The following PSMA5 variants were observed in gnomAD, a reference collection of about 807,000 sequenced individuals.
PSMA5 encodes the protein proteasome 20S subunit alpha 5, also known as proteasome subunit alpha type-5.
In PSMA5, 3 loss-of-function variants were observed where a neutral mutation model predicts 34.5. That is an observed-to-expected ratio of 0.09 (90% confidence interval 0.04 to 0.22). The LOEUF (loss-of-function observed/expected upper bound fraction) is 0.22. Among genes scored for constraint, PSMA5 ranks in the 10% least tolerant of loss-of-function variants. The pLI is 1.00. For synonymous variants in PSMA5, 88 were observed against 95.8 expected (o/e 0.92, Z 0.47); for missense variants, 120 against 286.1 (o/e 0.42, Z 4.19).
At chr1:109,412,846 G>A (rs1174418628) in intron 4 of PSMA5, 2 of 422,042 alleles carry the variant, frequency 4.7e-6, no homozygotes, top group Non-Finnish European at 8.4e-6. Flanking sequence ...AAAAAAGGAA[G>A]ACACTGTCAG....
intron 3 of PSMA5, 129 bp from the exon 4 acceptor site, chr1:109,413,264 C>CA (rs1421871519): frequency 2.6e-6 from 2 of 772,330 alleles, no homozygotes; most frequent in Non-Finnish European, 4.5e-6. Context: ...ATTTTATACC[C>CA]AAAAGATTAG....
intron 8 of PSMA5, among the ~76,000 whole-genome samples, chr1:109,405,764 C>G (rs1393755965): frequency 6.6e-6 from 1 of 152,008 alleles, no homozygotes; most frequent in Admixed American, 6.6e-5. Flanking sequence ...AGTGGAGAAC[C>G]ATTAAGATTA....
intron 2 of PSMA5, among the ~76,000 whole-genome samples, chr1:109,416,104 T>C (rs1654182916): frequency 6.6e-6 from 1 of 152,180 alleles, no homozygotes; most frequent in Admixed American, 6.5e-5. Context: ...ATAAAATGCT[T>C]AAAATGGTGC....
At chr1:109,413,220 T>G in intron 3 of PSMA5, 85 bp from the exon 4 acceptor site, 1 of 1,285,466 alleles carries the variant, frequency 7.8e-7, no homozygotes, top group Non-Finnish European at 1.1e-6. Context: ...AATTCTGGAT[T>G]GGAACCACGG....
At chr1:109,405,237 G>A (rs1422628580) in intron 8 of PSMA5, among the ~76,000 whole-genome samples, 4 of 152,150 alleles carry the variant, frequency 2.6e-5, no homozygotes, top group Admixed American at 6.5e-5. Context: ...TGGCCCTACC[G>A]TCTCAAAGCC....
In PSMA5 at chr1:109,405,959, G is replaced by C. The variant is rs374996584; in HGVS notation, c.649-3869C>G. Among the ~76,000 whole-genome samples the C allele has an allele frequency of 9.2e-5, 14 of 152,316 alleles. No homozygotes were observed. The South Asian group carries it at 2.9e-3, about 32-fold the overall frequency. On this transcript the variant is annotated intron_variant, in intron 8 of 8. Coordinates refer to ENST00000271308, the MANE Select transcript of PSMA5 (RefSeq NM_002790.4). ...ACATGGATTTGGGAGTTATTTATAA[G>C]GGAGCAAAGAAATGACTGAGTAAAA... is the stretch of plus-strand genomic sequence containing the variant.
intron 6 of PSMA5, among the ~76,000 whole-genome samples, chr1:109,411,504 A>G (rs1475916051): frequency 6.6e-6 from 1 of 152,158 alleles, no homozygotes; most frequent in Non-Finnish European, 1.5e-5. Context: ...TCTTCATGGA[A>G]TCCCCAAATT....
chr1:109,425,884 C>T (rs1654634235), intron 1 of PSMA5: 1 of 215,342 alleles, frequency 4.6e-6, no homozygotes, highest in Non-Finnish European at 9.5e-6. Context: ...CCGCAGCATG[C>T]CCTACTACAA....
chr1:109,421,768 G>A, intron 2 of PSMA5, 92 bp downstream of exon 2: 1 of 1,027,098 alleles, frequency 9.7e-7, no homozygotes, highest in Non-Finnish European at 1.4e-6. Context: ...ATTTTCTAAA[G>A]GAATGGTTAA....
intron 1 of PSMA5, chr1:109,426,062 G>A (rs1654644399): frequency 3.4e-6 from 2 of 586,940 alleles, no homozygotes; most frequent in East Asian, 2.8e-5. Flanking sequence ...GCACCAGCCG[G>A]AGCTTCTCGC....
At position 109,400,175 on chromosome 1, in the gene PSMA5, G is replaced by A. The variant is rs747854345; in HGVS notation, c.*1838C>T. On this transcript the variant is annotated 3_prime_UTR_variant, in exon 9 of 9. Coordinates refer to ENST00000271308, the MANE Select transcript of PSMA5 (RefSeq NM_002790.4). ...GAGGGAAAACAACTTAAGCTGAGGC[G>A]AACGGACATAGGCTAAGAGCTACTC... 4 of 152,134 alleles carry A rather than the reference G, an allele frequency of 2.6e-5. No individual in the cohort carries two copies. The East Asian group carries it at 5.8e-4, about 22-fold the overall frequency. 9.4% of individuals were successfully genotyped at this position (152,134 alleles called of 1,614,324 possible).
chr1:109,423,271 T>C (rs558435221), intron 1 of PSMA5, among the ~76,000 whole-genome samples: 171 of 152,232 alleles, frequency 1.1e-3, no homozygotes, highest in African/African-American at 3.9e-3. Flanking sequence ...AAACCCCGTC[T>C]CTACTAAAAA....
At chr1:109,402,564 G>T (rs1653576080) in intron 8 of PSMA5, among the ~76,000 whole-genome samples, 1 of 152,218 alleles carries the variant, frequency 6.6e-6, no homozygotes, top group African/African-American at 2.4e-5. Flanking sequence ...CTAATTCATA[G>T]AGTAGTTGTG....
In PSMA5 at chr1:109,399,817, A is replaced by C. The variant is rs1179137572; in HGVS notation, c.*2196T>G. Reference sequence around the variant, plus strand: ...ATTTCATTTTTGTCTAATGAGATTGACATTAAATATAAAAGTGGCACTGTC... The same window carrying C: ...ATTTCATTTTTGTCTAATGAGATTGCCATTAAATATAAAAGTGGCACTGTC... On this transcript the variant is annotated 3_prime_UTR_variant, in exon 9 of 9. Transcript: ENST00000271308. 6.6e-6 allele frequency: 1 copy of C among 152,220 alleles called. No homozygotes were observed. The highest frequency in any genetic ancestry group is 1.9e-4 in the East Asian group (1 of 5,208). 9.4% of individuals were successfully genotyped at this position (152,220 alleles called of 1,614,324 possible). A position where few individuals can be genotyped will look rare whatever the true frequency, so the allele number is the denominator to read the frequency against.
At chr1:109,402,168 T>A in intron 8 of PSMA5, 78 bp from the exon 9 acceptor site, 1 of 1,013,702 alleles carries the variant, frequency 9.9e-7, no homozygotes, top group Non-Finnish European at 1.5e-6. Context: ...GGAGAAGCTG[T>A]GTTGGTGATG....
At chr1:109,422,067 G>A (rs746220464) in intron 1 of PSMA5, 141 bp from the exon 2 acceptor site, 4 of 522,108 alleles carry the variant, frequency 7.7e-6, no homozygotes, top group Non-Finnish European at 1.3e-5. Flanking sequence ...ACAACAATCT[G>A]TAGCATTTTT....
chr1:109,411,566 G>A (rs201123616), intron 6 of PSMA5, among the ~76,000 whole-genome samples: 1 of 134,948 alleles, frequency 7.4e-6, no homozygotes, highest in South Asian at 2.4e-4. Context: ...CCATATATAT[G>A]TATATACATA....
At position 109,415,254 on chromosome 1, in the gene PSMA5, T is replaced by G. The variant is rs1654144178; in HGVS notation, c.206A>C (p.Glu69Ala). The change falls in exon 3 of 9, where the codon GAG becomes GCG. Residue 69 changes from glutamate (E) to alanine (A), a missense_variant. Physicochemically the swap from Glu to Ala is moderately radical, Grantham distance 107. This residue lies in a region of PSMA5 where 20 missense variants were observed against 19.4 expected (regional missense o/e 1.03). Coordinates refer to ENST00000271308, the MANE Select transcript of PSMA5 (RefSeq NM_002790.4). ...CTCCTTACCTATGTGAGCATCAATC[T>G]CTACAATTTTCTCAATGCTGCTGGG... ...MEPSSIEKIV[E>A]IDAHIGCAMS... 1 of 1,613,682 alleles carries G rather than the reference T, an allele frequency of 6.2e-7. No individual in the cohort carries two copies. Among genetic ancestry groups the G allele is most frequent in the Non-Finnish European group, 8.5e-7 (1 of 1,179,722 alleles).
chr1:109,419,531 G>A (rs781401826), intron 2 of PSMA5, among the ~76,000 whole-genome samples: 12 of 152,046 alleles, frequency 7.9e-5, no homozygotes, highest in African/African-American at 2.7e-4. Flanking sequence ...TAGGCCAGGC[G>A]CGGTGGCTCA....
Sources: allele counts gnomAD v4.1 joint callset (sites outside exome capture counted in the v4.1 genomes callset), GRCh38; gene constraint gnomAD v4.1.1; regional missense constraint gnomAD v4.1.1; transcripts MANE v1.5; gene names NCBI Gene and HGNC (gene_info 2026-07-23, HGNC 2026-07-21).